PCDHA7: variants seen among roughly 807,000 people sequenced by gnomAD.
PCDHA7 encodes the protein protocadherin alpha 7.
PCDHA7 carries 37 observed loss-of-function variants against 57.2 expected under a neutral mutation model. The observed-to-expected ratio is 0.65, with a 90% CI of 0.50 to 0.85. The LOEUF (loss-of-function observed/expected upper bound fraction) is 0.85, where lower values mean the gene tolerates loss of function less well. Among genes scored for constraint, PCDHA7 ranks in the 40% least tolerant of loss-of-function variants. The pLI, the probability that PCDHA7 is intolerant of heterozygous loss-of-function variation, is 0.00. For missense variants in PCDHA7, 1,188 were observed against 1,241.8 expected (o/e 0.96, Z 0.65); for synonymous variants, 553 against 558.8 (o/e 0.99, Z 0.15).
rs116357285 is a variant in PCDHA7, at chr5:140,877,275, C to T, written c.2355+40537C>T. 2.8e-4 allele frequency: 456 copies of T among 1,613,776 alleles called. 1 individual carries two copies. In the African/African-American group the frequency reaches 4.6e-3, roughly 16 times the overall value. Reference sequence around the variant, plus strand: ...AAGTGCGCGCGGTGGACGCTGACTCCGGCTATAACGCTTGGCTGTCCTACG... The same window carrying T: ...AAGTGCGCGCGGTGGACGCTGACTCTGGCTATAACGCTTGGCTGTCCTACG... On this transcript the variant is annotated intron_variant, in intron 1 of 3. Transcript: ENST00000525929.
chr5:140,915,262 T>G (rs539637990), intron 1 of PCDHA7, among the ~76,000 whole-genome samples: 1 of 152,290 alleles, frequency 6.6e-6, no homozygotes, highest in Admixed American at 6.5e-5. Context: ...GTTATTATTT[T>G]TGACCAGTTC....
Position 140,853,605 on chromosome 5 carries a change from G to A in PCDHA7, c.2355+16867G>A, listed in dbSNP as rs773791072. ...TCTTAGACACTTTGAGAGCAAAGGG[G>A]GTGCTGTAAATAAGTATACAAGATC... On this transcript the variant is annotated intron_variant, in intron 1 of 3. Transcript: ENST00000525929. 143 of 987,206 alleles carry A rather than the reference G, an allele frequency of 1.4e-4. 19 individuals carry two copies. The highest frequency in any genetic ancestry group is 1.7e-4 in the Non-Finnish European group (138 of 819,622). 61.2% of individuals were successfully genotyped at this position (987,206 alleles called of 1,614,324 possible). A position where few individuals can be genotyped will look rare whatever the true frequency, so the allele number is the denominator to read the frequency against.
intron 1 of PCDHA7, among the ~76,000 whole-genome samples, chr5:140,973,515 T>G (rs1008643152): frequency 1.4e-4 from 21 of 152,232 alleles, no homozygotes; most frequent in African/African-American, 4.8e-4. Flanking sequence ...AAAAGTTTAT[T>G]TTCTTTGGTC....
rs1270383213 is a variant in PCDHA7 at position 140,835,905 on chromosome 5, G to A, written c.1522G>A (p.Val508Met). 4 of 1,612,188 alleles carry A rather than the reference G, an allele frequency of 2.5e-6. No homozygotes were observed. In the East Asian group the frequency reaches 8.9e-5, roughly 36 times the overall value. ...GGGCGAGCGCGCGCTGTCGAGCTAC[G>A]TGTCAGTGCACGCGGAGAGCGGCAA... ...RVGERALSSY[V>M]SVHAESGKVY... Residue 508 changes from valine (V) to methionine (M), a missense_variant, in exon 1 of 4, where the codon GTG becomes ATG. This residue lies in a region of PCDHA7 where 892 missense variants were observed against 788.5 expected (regional missense o/e 1.13). Transcript: ENST00000525929.
intron 1 of PCDHA7, among the ~76,000 whole-genome samples, chr5:140,905,614 A>T (rs1167406063): frequency 6.6e-6 from 1 of 152,094 alleles, no homozygotes; most frequent in Non-Finnish European, 1.5e-5. Flanking sequence ...GAATCTATAG[A>T]TTGCTTTTGA....
chr5:140,927,755 C>G (rs1388061408), intron 1 of PCDHA7: 6 of 1,614,196 alleles, frequency 3.7e-6, no homozygotes, highest in Non-Finnish European at 5.1e-6. Flanking sequence ...CACGTGCACC[C>G]TAAAAGTGGG....
rs2150237980 is a variant in PCDHA7, at chr5:140,835,549, T to G, written c.1166T>G (p.Leu389Arg). Residue 389 changes from leucine to arginine, a missense_variant, in exon 1 of 4, where the codon CTG becomes CGG. Physicochemically the swap from Leu to Arg is moderately radical, Grantham distance 102 (BLOSUM62 -2). Coordinates refer to ENST00000525929, the MANE Select transcript of PCDHA7 (RefSeq NM_018910.3). The part of the protein sequence containing the change: ...FGVNGQVTCS[L>R]TPRVPFKLVS... Reference sequence around the variant, plus strand: ...GTCAACGGACAGGTTACCTGCTCCCTGACGCCCCGCGTTCCCTTCAAGTTG... The same window carrying G: ...GTCAACGGACAGGTTACCTGCTCCCGGACGCCCCGCGTTCCCTTCAAGTTG... 6.2e-7 allele frequency: 1 copy of G among 1,613,976 alleles called. No individual in the cohort carries two copies. Among genetic ancestry groups the G allele is most frequent in the Non-Finnish European group, 8.5e-7 (1 of 1,179,880 alleles).
intron 1 of PCDHA7, among the ~76,000 whole-genome samples, chr5:140,884,903 T>C (rs1462790087): frequency 1.3e-5 from 2 of 152,268 alleles, no homozygotes; most frequent in Admixed American, 1.3e-4. Flanking sequence ...GTTTCTGTTG[T>C]ATTCTTAATA....
intron 1 of PCDHA7, among the ~76,000 whole-genome samples, chr5:140,978,440 T>G (rs1238163577): frequency 2.0e-5 from 3 of 152,244 alleles, no homozygotes; most frequent in African/African-American, 7.2e-5. Context: ...GCTGGTGTTA[T>G]GACTGGGCAC....
chr5:140,884,051 C>T (rs782045843), intron 1 of PCDHA7: 4 of 1,613,308 alleles, frequency 2.5e-6, no homozygotes, highest in Non-Finnish European at 2.5e-6. Context: ...GGCGAAGGTG[C>T]GCGCGGTGGA....
intron 3 of PCDHA7, among the ~76,000 whole-genome samples, chr5:140,987,146 G>A (rs942853645): frequency 1.3e-5 from 2 of 151,812 alleles, no homozygotes; most frequent in Non-Finnish European, 2.9e-5. Flanking sequence ...CTCGGGAGGT[G>A]GAGGTTGCAG....
At position 141,005,728 on chromosome 5, in the gene PCDHA7, A is replaced by T. The variant is rs574255915; in HGVS notation, c.2504-3899A>T. On this transcript the variant is annotated intron_variant, in intron 3 of 3. Coordinates refer to ENST00000525929, the MANE Select transcript of PCDHA7 (RefSeq NM_018910.3). ...AAAAAAAAAAAAAAAAAAAAAAAAA[A>T]AAAGAATGGATGAGAAATCATTCAA... Among the ~76,000 whole-genome samples the T allele has an allele frequency of 1.3e-4, 19 of 150,362 alleles. No homozygotes were observed. The South Asian group carries it at 1.7e-3, about 13-fold the overall frequency.
intron 3 of PCDHA7, among the ~76,000 whole-genome samples, chr5:141,004,805 A>G (rs1588069791): frequency 6.6e-6 from 1 of 152,310 alleles, no homozygotes; most frequent in African/African-American, 2.4e-5. Flanking sequence ...GCTGAGCTCA[A>G]TTGCAGATTT....
At chr5:140,877,869 T>G (rs782747532) in intron 1 of PCDHA7, 1 of 1,488,856 alleles carries the variant, frequency 6.7e-7, no homozygotes, top group African/African-American at 1.4e-5. Context: ...TAGATATATT[T>G]GTTTCCTTGA....
intron 1 of PCDHA7, among the ~76,000 whole-genome samples, chr5:140,961,888 T>G (rs1361187779): frequency 4.0e-5 from 5 of 124,944 alleles, no homozygotes; most frequent in Non-Finnish European, 7.9e-5. Context: ...CTTACATCAG[T>G]TTTTTTTTTT....
rs2150389319 is a variant in PCDHA7, at chr5:140,846,377, T to C, written c.2355+9639T>C. On this transcript the variant is annotated intron_variant, in intron 1 of 3. Transcript: ENST00000525929. The stretch of plus-strand genomic sequence containing the variant: ...TTTCTTTTCTTTTCTTTCTTTCTTT[T>C]TTTTTTTTTTTTTTTGAGACGGAGT... Among the ~76,000 whole-genome samples the C allele has an allele frequency of 1.3e-3, 177 of 134,738 alleles. 13 individuals carry two copies. The highest frequency in any genetic ancestry group is 3.8e-3 in the African/African-American group (141 of 37,120). The allele number at this position is 134,738 out of a possible 152,430, so 88.4% of individuals were successfully genotyped here.
Position 140,857,105 on chromosome 5 carries a change from T to G in PCDHA7, c.2355+20367T>G. On this transcript the variant is annotated intron_variant, in intron 1 of 3. Transcript: ENST00000525929. The stretch of plus-strand genomic sequence containing the variant: ...TAATTCACCTGAGGTGATTGTCACT[T>G]CTCTGTCTCTCCCAGTGAAAGAAGA... The G allele has an allele frequency of 1.9e-6, 3 of 1,597,820 alleles. 1 individual carries two copies. Among genetic ancestry groups the G allele is most frequent in the Non-Finnish European group, 2.6e-6 (3 of 1,167,424 alleles).
rs146613275 is a variant in PCDHA7, at chr5:140,871,400, C to G, written c.2355+34662C>G. ...TGCTCTGAGGAGGGCCCACCTAAGA[C>G]GGACCTCATGGCCTTCAGCCCCAGT... On this transcript the variant is annotated intron_variant, in intron 1 of 3. Transcript: ENST00000525929. The G allele has an allele frequency of 1.8e-4, 284 of 1,614,130 alleles. 1 individual carries two copies. The African/African-American group carries it at 2.8e-3, about 16-fold the overall frequency.
chr5:140,945,496 A>G (rs2093798194), intron 1 of PCDHA7, among the ~76,000 whole-genome samples: 1 of 152,142 alleles, frequency 6.6e-6, no homozygotes, highest in South Asian at 2.1e-4. Context: ...TACCCAAAGC[A>G]ATATTGAGCA....
Sources: allele counts gnomAD v4.1 joint callset (sites outside exome capture counted in the v4.1 genomes callset), GRCh38; gene constraint gnomAD v4.1.1; regional missense constraint gnomAD v4.1.1; transcripts MANE v1.5; gene names NCBI Gene and HGNC (gene_info 2026-07-23, HGNC 2026-07-21).